The following ARMC9 variants were observed in gnomAD, a reference collection of about 807,000 sequenced individuals.
The protein encoded by ARMC9 is lisH domain-containing protein ARMC9.
In ARMC9, 94 loss-of-function variants were observed where a neutral mutation model predicts 107.0. That is an observed-to-expected ratio of 0.88 (90% CI 0.74 to 1.04). The LOEUF (loss-of-function observed/expected upper bound fraction) is 1.04, where lower values mean the gene tolerates loss of function less well. Among genes scored for constraint, ARMC9 ranks in the 50% least tolerant of loss-of-function variants. ARMC9 has a pLI of 0.00. For missense variants in ARMC9, 942 were observed against 1,030.1 expected, an observed-to-expected ratio of 0.91 and a Z score of 1.17; for synonymous variants, 380 against 396.9, an observed-to-expected ratio of 0.96 and a Z score of 0.51.
chr2:231,285,368 G>C (rs569908937), intron 17 of ARMC9, among the ~76,000 whole-genome samples: 1 of 151,998 alleles, frequency 6.6e-6, no homozygotes, highest in Middle Eastern at 3.4e-3. Flanking sequence ...GTAGATGATG[G>C]GGCACGGTGG....
At chr2:231,265,319 G>T (rs1043736560) in intron 12 of ARMC9, among the ~76,000 whole-genome samples, 2 of 152,126 alleles carry the variant, frequency 1.3e-5, no homozygotes, top group African/African-American at 4.8e-5. Flanking sequence ...TTTTCAGTTT[G>T]CAGTTACAAA....
chr2:231,311,770 CAAAAAAAA>C (rs56713732), intron 19 of ARMC9, among the ~76,000 whole-genome samples: 6 of 60,646 alleles, frequency 9.9e-5, no homozygotes, highest in South Asian at 6.7e-4. Context: ...ACTCCATCGC[CAAAAAAAA>C]AAAAAAAAAA....
intron 14 of ARMC9, among the ~76,000 whole-genome samples, chr2:231,276,267 G>T (rs1025489899): frequency 8.7e-5 from 13 of 149,566 alleles, no homozygotes; most frequent in Non-Finnish European, 1.6e-4. Context: ...TCACATTACT[G>T]TTTCTTCTTT....
chr2:231,361,726 C>T (rs1217130129), intron 23 of ARMC9, among the ~76,000 whole-genome samples: 2 of 152,178 alleles, frequency 1.3e-5, no homozygotes, highest in African/African-American at 4.8e-5. Context: ...ACCACTTCCT[C>T]CTGGCCATGA....
chr2:231,317,362 G>T (rs958293459), intron 19 of ARMC9, among the ~76,000 whole-genome samples: 4 of 152,036 alleles, frequency 2.6e-5, no homozygotes, highest in African/African-American at 9.7e-5. Context: ...GTCGAGGCAG[G>T]GTTTCACCAT....
At chr2:231,223,673 T>C (rs2034364983) in intron 6 of ARMC9, among the ~76,000 whole-genome samples, 1 of 152,186 alleles carries the variant, frequency 6.6e-6, no homozygotes, top group Non-Finnish European at 1.5e-5. Flanking sequence ...CTTGACCTAA[T>C]TGAGGTTTTA....
intron 12 of ARMC9, 183 bp from the exon 13 acceptor site, chr2:231,270,799 G>T (rs898723757): frequency 7.1e-6 from 5 of 700,626 alleles, no homozygotes; most frequent in African/African-American, 1.8e-5. Flanking sequence ...ACTTATTTTT[G>T]CCAAGTCTCA....
At chr2:231,368,542 CTG>C (rs1380809359) in intron 23 of ARMC9, among the ~76,000 whole-genome samples, 2 of 152,190 alleles carry the variant, frequency 1.3e-5, no homozygotes, top group Non-Finnish European at 2.9e-5. Flanking sequence ...GAGCCTGTAA[CTG>C]TACCCACAAG....
rs116555477 is a variant in ARMC9, at chr2:231,299,809, T to C, written c.1773+3556T>C. 4.3e-3 allele frequency among the ~76,000 whole-genome samples: 660 copies of C among 152,260 alleles called. 8 individuals carry two copies. Among genetic ancestry groups the C allele is most frequent in the African/African-American group, 0.015 (634 of 41,540 alleles). ...TTTTCATTGTTTTCTAAACCACTTA[T>C]ACTTTCTTGGCCCACAAAGCCCCAG... On this transcript the variant is annotated intron_variant, in intron 19 of 24. Coordinates refer to ENST00000611582, the MANE Select transcript of ARMC9 (RefSeq NM_001352754.2).
intron 19 of ARMC9, among the ~76,000 whole-genome samples, chr2:231,331,271 T>G (rs1386416582): frequency 6.6e-6 from 1 of 152,174 alleles, no homozygotes; most frequent in African/African-American, 2.4e-5. Context: ...GTGTCCAGTG[T>G]TTTTGGTTGT....
At chr2:231,366,219 C>G (rs2045812471) in intron 23 of ARMC9, among the ~76,000 whole-genome samples, 1 of 152,044 alleles carries the variant, frequency 6.6e-6, no homozygotes, top group Admixed American at 6.6e-5. Context: ...GAATATCAGT[C>G]TTTTTCTATT....
At chr2:231,369,380 C>T (rs997960643) in intron 23 of ARMC9, among the ~76,000 whole-genome samples, 3 of 152,052 alleles carry the variant, frequency 2.0e-5, no homozygotes, top group African/African-American at 7.2e-5. Context: ...GCAGCCTCTG[C>T]CTCCCAGGTT....
intron 17 of ARMC9, among the ~76,000 whole-genome samples, chr2:231,283,895 G>A (rs916974063): frequency 1.7e-4 from 26 of 152,120 alleles, no homozygotes; most frequent in African/African-American, 6.3e-4. Flanking sequence ...ATCACACCTA[G>A]CTAATTTTTT....
intron 20 of ARMC9, among the ~76,000 whole-genome samples, chr2:231,339,601 C>T (rs1214679772): frequency 6.6e-6 from 1 of 152,094 alleles, no homozygotes; most frequent in African/African-American, 2.4e-5. Flanking sequence ...TGTGCATGAC[C>T]CGTTTTGTTA....
rs931263076 is a variant in ARMC9 at position 231,374,008 on chromosome 2, C to G, written c.*2473C>G. On this transcript the variant is annotated 3_prime_UTR_variant, in exon 25 of 25. Coordinates refer to ENST00000611582, the MANE Select transcript of ARMC9 (RefSeq NM_001352754.2). Reference sequence around the variant, plus strand: ...GCGCCACGCCCTGGGAGAGTACACTCCTGGGCTCACGCCTCTGCATTCCAA... The same window carrying G: ...GCGCCACGCCCTGGGAGAGTACACTGCTGGGCTCACGCCTCTGCATTCCAA... 2 of 152,108 alleles carry G rather than the reference C, an allele frequency of 1.3e-5. No homozygotes were observed. The highest frequency in any genetic ancestry group is 4.8e-5 in the African/African-American group (2 of 41,398). 9.4% of individuals were successfully genotyped at this position (152,108 alleles called of 1,614,324 possible). A position where few individuals can be genotyped will look rare whatever the true frequency, so the allele number is the denominator to read the frequency against.
chr2:231,329,674 T>C (rs1459525391), intron 19 of ARMC9, among the ~76,000 whole-genome samples: 1 of 152,260 alleles, frequency 6.6e-6, no homozygotes, highest in East Asian at 1.9e-4. Context: ...GTTAGATTTA[T>C]GCCTATTTCT....
At position 231,372,556 on chromosome 2, in the gene ARMC9, C is replaced by G. The variant is rs1359622682; in HGVS notation, c.*1021C>G. 4 of 152,318 alleles carry G rather than the reference C, an allele frequency of 2.6e-5. No homozygotes were observed. Among genetic ancestry groups the G allele is most frequent in the South Asian group, 4.1e-4 (2 of 4,820 alleles). 9.4% of individuals were successfully genotyped at this position (152,318 alleles called of 1,614,324 possible). ...AAAGTGACCCATCCCGCGGGGGAGGCCTGCGCACGCCCCTCACCAGGGCTG... is the reference window on the plus strand; with the variant it reads ...AAAGTGACCCATCCCGCGGGGGAGGGCTGCGCACGCCCCTCACCAGGGCTG... On this transcript the variant is annotated 3_prime_UTR_variant, in exon 25 of 25. Transcript: ENST00000611582.
At chr2:231,228,372 C>T (rs993056333) in intron 7 of ARMC9, among the ~76,000 whole-genome samples, 1 of 152,206 alleles carries the variant, frequency 6.6e-6, no homozygotes, top group Admixed American at 6.5e-5. Flanking sequence ...TCAGGCGGAG[C>T]GGCCTGGGGC....
Position 231,226,817 on chromosome 2 carries a change from A to G in ARMC9, c.622+19A>G, listed in dbSNP as rs778864651. ...AACAAAGGTAAATCATCTAGATTTA[A>G]ATTTGTCTAAGAACAACTTTGCCAG... On this transcript the variant is annotated intron_variant, in intron 7 of 24. Transcript: ENST00000611582. 2 of 1,610,970 alleles carry G rather than the reference A, an allele frequency of 1.2e-6. No individual in the cohort carries two copies. The highest frequency in any genetic ancestry group is 8.5e-7 in the Non-Finnish European group (1 of 1,177,106).
Sources: allele counts gnomAD v4.1 joint callset (sites outside exome capture counted in the v4.1 genomes callset), GRCh38; gene constraint gnomAD v4.1.1; transcripts MANE v1.5; gene names NCBI Gene and HGNC (gene_info 2026-07-23, HGNC 2026-07-21).